ZMYM6: variants seen among roughly 807,000 people sequenced by gnomAD.
ZMYM6 encodes zinc finger MYM-type containing 6.
In ZMYM6, 90 loss-of-function variants were observed where a neutral mutation model predicts 134.0. The observed-to-expected ratio is 0.67, with a 90% CI of 0.57 to 0.80. The LOEUF is 0.80. Ranked by LOEUF, ZMYM6 falls within the 30% of genes least tolerant of loss-of-function variation. The pLI is 0.00. For missense variants in ZMYM6, 1,362 were observed against 1,533.9 expected (o/e 0.89, Z 1.87); for synonymous variants, 481 against 524.1 (o/e 0.92, Z 1.12).
intron 14 of ZMYM6, among the ~76,000 whole-genome samples, chr1:34,993,688 A>T (rs1640725323): frequency 6.9e-6 from 1 of 145,542 alleles, no homozygotes; most frequent in African/African-American, 2.5e-5. Flanking sequence ...AAGTAAATTA[A>T]TTTTTTTTTT....
At position 35,023,022 on chromosome 1, in the gene ZMYM6, G is replaced by A. The variant is rs549888196; in HGVS notation, c.94-2555C>T. 2.6e-5 allele frequency among the ~76,000 whole-genome samples: 4 copies of A among 152,152 alleles called. No individual in the cohort carries two copies. The East Asian group carries it at 5.8e-4, about 22-fold the overall frequency. On this transcript the variant is annotated intron_variant, in intron 2 of 15. Coordinates refer to ENST00000357182, the MANE Select transcript of ZMYM6 (RefSeq NM_007167.4). The stretch of plus-strand genomic sequence containing the variant: ...CATAGGGCCAACGGGGAGGGAGGGG[G>A]CAAATGACTTAATATAAATAAGGTA...
Position 34,995,172 on chromosome 1 carries a change from T to C in ZMYM6, c.1993-2785A>G, listed in dbSNP as rs1021618471. On this transcript the variant is annotated intron_variant, in intron 14 of 15. Coordinates refer to ENST00000357182, the MANE Select transcript of ZMYM6 (RefSeq NM_007167.4). ...ATACACACACACATATGTATGTGTG[T>C]ATATATATATATAATTCCAGGTAGT... Among the ~76,000 whole-genome samples the C allele has an allele frequency of 2.7e-5, 4 of 146,752 alleles. 1 individual carries two copies. Among genetic ancestry groups the C allele is most frequent in the African/African-American group, 9.9e-5 (4 of 40,236 alleles).
intron 14 of ZMYM6, among the ~76,000 whole-genome samples, chr1:35,003,180 C>CAAAA (rs202093628): frequency 7.9e-5 from 5 of 63,046 alleles, no homozygotes; most frequent in Non-Finnish European, 1.2e-4. Context: ...GACCCTGTCT[C>CAAAA]AAAAAAAAAA....
chr1:35,030,691 C>A lies in ZMYM6; in HGVS notation c.-52G>T. ...TCAGGCTCAAACGAATAGATTTCTT[C>A]TTGGTAATGGATAGTTGGACACCTA... On this transcript the variant is annotated 5_prime_UTR_variant, in exon 2 of 16. Coordinates refer to ENST00000357182, the MANE Select transcript of ZMYM6 (RefSeq NM_007167.4). 6.5e-7 allele frequency: 1 copy of A among 1,526,850 alleles called. No individual in the cohort carries two copies. The highest frequency in any genetic ancestry group is 9.0e-7 in the Non-Finnish European group (1 of 1,112,342). The allele number at this position is 1,526,850 out of a possible 1,614,324, so 94.6% of individuals were successfully genotyped here. A position where few individuals can be genotyped will look rare whatever the true frequency, so the allele number is the denominator to read the frequency against.
Position 35,001,450 on chromosome 1 carries a change from T to C in ZMYM6, c.1992+2518A>G, listed in dbSNP as rs112413434. ...GCAGCTACATGAAATATGAGGTATATGTTCCTAAAAAACTAAATAATTCAA... is the reference window on the plus strand; with the variant it reads ...GCAGCTACATGAAATATGAGGTATACGTTCCTAAAAAACTAAATAATTCAA... On this transcript the variant is annotated intron_variant, in intron 14 of 15. Coordinates refer to ENST00000357182, the MANE Select transcript of ZMYM6 (RefSeq NM_007167.4). Among the ~76,000 whole-genome samples, 908 of 152,232 alleles carry C rather than the reference T, an allele frequency of 6.0e-3. 9 individuals carry two copies. Among genetic ancestry groups the C allele is most frequent in the African/African-American group, 0.021 (858 of 41,568 alleles).
At position 35,005,143 on chromosome 1, in the gene ZMYM6, C is replaced by G; in HGVS notation, c.1943G>C (p.Ser648Thr). ...ATATCAAGTCATACCTTTTAAAACA[C>G]TGTTAGTGTTCCCTGTAGATAAGGT... The part of the protein sequence containing the change: ...PATLSTGNTN[S>T]VLKGAVTKEA... The change falls in exon 13 of 16, where the codon AGT becomes ACT. Residue 648 changes from serine (S) to threonine (T), a missense_variant. Physicochemically the swap from Ser to Thr is moderately conservative, Grantham distance 58. Around this residue, in one of 3 missense-constraint regions of ZMYM6, gnomAD observed 824 missense variants for 940.9 expected, o/e 0.88. Coordinates refer to ENST00000357182, the MANE Select transcript of ZMYM6 (RefSeq NM_007167.4). 1.2e-6 allele frequency: 2 copies of G among 1,614,042 alleles called. No homozygotes were observed. The highest frequency in any genetic ancestry group is 2.2e-5 in the South Asian group (2 of 91,070).
chr1:35,015,743 A>AAAAAAAAAAAAAAATAT, intron 4 of ZMYM6, among the ~76,000 whole-genome samples: 8 of 106,464 alleles, frequency 7.5e-5, no homozygotes, highest in African/African-American at 4.6e-4. Context: ...AAAAAAAAAA[A>AAAAAAAAAAAAAAATAT]ATATATATAT....
chr1:35,023,032 TAATATAAATA>T (rs1641339424), intron 2 of ZMYM6, among the ~76,000 whole-genome samples: 1 of 152,068 alleles, frequency 6.6e-6, no homozygotes, highest in Non-Finnish European at 1.5e-5. Context: ...GCAAATGACT[TAATATAAATA>T]AGGTATACAG....
At position 34,987,374 on chromosome 1, in the gene ZMYM6, T is replaced by G; in HGVS notation, c.3708A>C (p.Thr1236=). 1 of 1,614,096 alleles carries G rather than the reference T, an allele frequency of 6.2e-7. No individual in the cohort carries two copies. The highest frequency in any genetic ancestry group is 8.5e-7 in the Non-Finnish European group (1 of 1,179,998). The change falls in exon 16 of 16, where the codon ACA becomes ACC. Residue 1236 remains threonine (T), a synonymous_variant. Coordinates refer to ENST00000357182, the MANE Select transcript of ZMYM6 (RefSeq NM_007167.4). ...GTAATCCTAAATCTGAAGATAGCTC[T>G]GTTAGCTTTTCTTCTTCGAAGTCGG... The part of the protein sequence containing the change: ...NLTDFEEEKL[T]ELSSDLGLQA...
At chr1:35,014,373 C>T (rs1054779911) in intron 6 of ZMYM6, among the ~76,000 whole-genome samples, 6 of 152,078 alleles carry the variant, frequency 3.9e-5, no homozygotes, top group Admixed American at 3.3e-4. Context: ...GAGGCTGAGG[C>T]GAGTGGATGG....
intron 15 of ZMYM6, chr1:34,990,206 C>T (rs1438142882): frequency 2.2e-5 from 4 of 178,948 alleles, no homozygotes; most frequent in South Asian, 1.0e-4. Flanking sequence ...GATAGGCCGG[C>T]GCGGTGGCTC....
At chr1:35,013,677 C>G in intron 6 of ZMYM6, 1 of 983,776 alleles carries the variant, frequency 1.0e-6, no homozygotes, top group Non-Finnish European at 1.2e-6. Context: ...CAAGATACAT[C>G]TTTGTTTTTT....
At chr1:35,012,793 G>T (rs1641109637) in intron 6 of ZMYM6, 19 of 985,120 alleles carry the variant, frequency 1.9e-5, no homozygotes, top group Non-Finnish European at 2.3e-5. Flanking sequence ...TATTCAGATA[G>T]AGATCTTAGC....
At chr1:35,028,355 G>A (rs1483038474) in intron 2 of ZMYM6, among the ~76,000 whole-genome samples, 1 of 151,772 alleles carries the variant, frequency 6.6e-6, no homozygotes, top group Non-Finnish European at 1.5e-5. Context: ...GTGAGATGGT[G>A]TGAAAAATAA....
chr1:35,007,069 C>T lies in ZMYM6; in HGVS notation c.1695G>A (p.Gln565=), dbSNP rs766936383. 8.7e-5 allele frequency: 140 copies of T among 1,607,602 alleles called. No homozygotes were observed. The highest frequency in any genetic ancestry group is 8.2e-5 in the Non-Finnish European group (96 of 1,176,890). ...ACTTTATGGACTCGCTTAGTTTACC[C>T]TGTCGTTTACAACCATCACACTTGG... ...QMAKCDGCKR[Q]GKLSESIKWR... Residue 565 remains glutamine (Q), a synonymous_variant, in exon 12 of 16, where the codon CAG becomes CAA. Coordinates refer to ENST00000357182, the MANE Select transcript of ZMYM6 (RefSeq NM_007167.4).
At position 35,014,797 on chromosome 1, in the gene ZMYM6, A is replaced by G. The variant is rs1065530; in HGVS notation, c.695T>C (p.Met232Thr). The G allele has an allele frequency of 6.2e-7, 1 of 1,614,222 alleles. No homozygotes were observed. Among genetic ancestry groups the G allele is most frequent in the Non-Finnish European group, 8.5e-7 (1 of 1,180,032 alleles). ...GCTCCCACAGTTCTCACAACAGTTC[A>G]TGGTGAGGTTGTTTGTAGAGTGAAA... The part of the protein sequence containing the change: ...SKFHSTNNLT[M>T]NCCENCGSYC... The change falls in exon 6 of 16, where the codon ATG becomes ACG. Residue 232 changes from methionine to threonine, a missense_variant. Physicochemically the swap from Met to Thr is moderately conservative, Grantham distance 81. Transcript: ENST00000357182.
intron 8 of ZMYM6, 118 bp downstream of exon 8, chr1:35,011,772 T>G: frequency 1.5e-6 from 1 of 673,540 alleles, no homozygotes; most frequent in Non-Finnish European, 2.2e-6. Context: ...TGAAACAAAT[T>G]TTTTTCTTTT....
chr1:34,993,239 G>A (rs1167447670), intron 14 of ZMYM6, among the ~76,000 whole-genome samples: 1 of 151,840 alleles, frequency 6.6e-6, no homozygotes, highest in African/African-American at 2.4e-5. Flanking sequence ...AGCCTCCTGA[G>A]TAGCTGGGAC....
intron 13 of ZMYM6, among the ~76,000 whole-genome samples, chr1:35,004,608 CA>C (rs898075557): frequency 8.4e-5 from 12 of 142,842 alleles, no homozygotes; most frequent in African/African-American, 2.6e-5. Flanking sequence ...GACTCCGTCT[CA>C]AAAAAAAAAA....
Sources: gnomAD v4.1 joint callset for allele counts (sites outside exome capture counted in the v4.1 genomes callset) on GRCh38, gnomAD v4.1.1 for gene constraint, gnomAD v4.1.1 regional missense constraint, MANE v1.5 for transcripts, NCBI Gene and HGNC (gene_info 2026-07-23, HGNC 2026-07-21) for gene names.